The following GRM8 variants were observed in gnomAD, a reference collection of about 807,000 sequenced individuals.
GRM8 encodes the protein metabotropic glutamate receptor 8.
In GRM8, 47 loss-of-function variants were observed where a neutral mutation model predicts 87.2. The ratio of observed to expected loss-of-function variants is 0.54; its 90% CI spans 0.43 to 0.69. The LOEUF is 0.69. Ranked by LOEUF, GRM8 falls within the 30% of genes least tolerant of loss-of-function variation. The pLI is 0.00. For missense variants in GRM8, 1,019 were observed against 1,139.2 expected, an observed-to-expected ratio of 0.89 and a Z score of 1.52; for synonymous variants, 396 against 404.5, an observed-to-expected ratio of 0.98 and a Z score of 0.25.
At chr7:126,690,998 C>T (rs914701547) in intron 7 of GRM8, among the ~76,000 whole-genome samples, 1 of 152,226 alleles carries the variant, frequency 6.6e-6, no homozygotes, top group Non-Finnish European at 1.5e-5. Flanking sequence ...AGTTCTCACT[C>T]CTATCTGCAG....
Position 127,243,271 on chromosome 7 carries a change from A to G in GRM8, c.-67T>C. On this transcript the variant is annotated 5_prime_UTR_variant, in exon 2 of 11. Transcript: ENST00000339582. ...TTCTTGCCACAGAAGAAAGGGCACC[A>G]CCTGAGGCTGCACCTTCTGGAGGCT... 1 of 1,428,428 alleles carries G rather than the reference A, an allele frequency of 7.0e-7. No homozygotes were observed. The highest frequency in any genetic ancestry group is 1.4e-5 in the African/African-American group (1 of 71,108). 88.5% of individuals were successfully genotyped at this position (1,428,428 alleles called of 1,614,324 possible). A position where few individuals can be genotyped will look rare whatever the true frequency, so the allele number is the denominator to read the frequency against.
At chr7:127,132,390 C>T (rs1295843943) in intron 2 of GRM8, among the ~76,000 whole-genome samples, 1 of 152,106 alleles carries the variant, frequency 6.6e-6, no homozygotes, top group Non-Finnish European at 1.5e-5. Context: ...TCTCCTTTTC[C>T]AAGCTTTCCA....
intron 3 of GRM8, among the ~76,000 whole-genome samples, chr7:127,010,075 T>A (rs1814729335): frequency 6.6e-6 from 1 of 152,152 alleles, no homozygotes; most frequent in Non-Finnish European, 1.5e-5. Flanking sequence ...ACTCCTGACC[T>A]GAAGTGATCC....
At chr7:126,816,184 G>A (rs1180234821) in intron 6 of GRM8, among the ~76,000 whole-genome samples, 2 of 151,938 alleles carry the variant, frequency 1.3e-5, no homozygotes, top group African/African-American at 2.4e-5. Context: ...AACCAAACAC[G>A]TAAGATGCCC....
intron 9 of GRM8, among the ~76,000 whole-genome samples, chr7:126,462,033 GA>G (rs1248388167): frequency 6.6e-6 from 1 of 151,582 alleles, no homozygotes; most frequent in East Asian, 1.9e-4. Context: ...TTTCCTTATG[GA>G]AGTGGCTTGC....
At position 127,072,634 on chromosome 7, in the gene GRM8, C is replaced by CTTTT. The variant is rs34143758; in HGVS notation, c.727+33858_727+33861dup. ...CTAAATGCTGAACCCTCATATTATA[C>CTTTT]TTTTTTTTTTTTTGCAGCATCTGGC... On this transcript the variant is annotated intron_variant, in intron 3 of 10. Coordinates refer to ENST00000339582, the MANE Select transcript of GRM8 (RefSeq NM_000845.3). Among the ~76,000 whole-genome samples, 1,027 of 144,162 alleles carry CTTTT rather than the reference C, an allele frequency of 7.1e-3. 10 individuals carry two copies. The highest frequency in any genetic ancestry group is 0.02 in the African/African-American group (795 of 39,980). The allele number at this position is 144,162 out of a possible 152,430, so 94.6% of individuals were successfully genotyped here. A position where few individuals can be genotyped will look rare whatever the true frequency, so the allele number is the denominator to read the frequency against.
chr7:126,461,816 A>G (rs546637068), intron 9 of GRM8, among the ~76,000 whole-genome samples: 2 of 151,776 alleles, frequency 1.3e-5, no homozygotes, highest in East Asian at 3.9e-4. Flanking sequence ...TACATTCTGT[A>G]AAATACTTTT....
chr7:126,623,234 G>A (rs1432628895), intron 7 of GRM8, among the ~76,000 whole-genome samples: 3 of 152,084 alleles, frequency 2.0e-5, no homozygotes, highest in Non-Finnish European at 4.4e-5. Flanking sequence ...GTGGAGGGGT[G>A]TAATATAGAA....
chr7:127,076,565 T>C (rs148761973), intron 3 of GRM8, among the ~76,000 whole-genome samples: 1 of 152,218 alleles, frequency 6.6e-6, no homozygotes, highest in African/African-American at 2.4e-5. Flanking sequence ...TCCTCCATTC[T>C]TCTCTTTTAT....
At position 127,242,683 on chromosome 7, in the gene GRM8, G is replaced by A; in HGVS notation, c.510+12C>T. On this transcript the variant is annotated intron_variant, in intron 2 of 10. Transcript: ENST00000339582. ...CTTTCACAATGGTCAGAAAGACAAT[G>A]CCTTTACCTACCTTAAAAAGTCTTA... The A allele has an allele frequency of 6.2e-7, 1 of 1,608,674 alleles. No individual in the cohort carries two copies. The highest frequency in any genetic ancestry group is 8.5e-7 in the Non-Finnish European group (1 of 1,176,690).
In GRM8 at chr7:127,122,570, A is replaced by G. The variant is rs556405308; in HGVS notation, c.511-15858T>C. 2.7e-3 allele frequency among the ~76,000 whole-genome samples: 377 copies of G among 140,098 alleles called. 2 individuals are homozygous for G. The highest frequency in any genetic ancestry group is 0.01 in the African/African-American group (362 of 35,382). 91.9% of individuals were successfully genotyped at this position (140,098 alleles called of 152,430 possible). ...ACCTCAAATTTGATGAGACATACAC[A>G]TTGCTTTTTGGATGCCCTTTAATTT... On this transcript the variant is annotated intron_variant, in intron 2 of 10. Coordinates refer to ENST00000339582, the MANE Select transcript of GRM8 (RefSeq NM_000845.3).
At chr7:126,634,669 C>T (rs560452989) in intron 7 of GRM8, among the ~76,000 whole-genome samples, 2 of 134,268 alleles carry the variant, frequency 1.5e-5, no homozygotes, top group East Asian at 4.9e-4. Flanking sequence ...TCCTGCCTTC[C>T]TTCCTCCCCC....
At chr7:127,084,929 C>T (rs533402619) in intron 3 of GRM8, 1 of 152,210 alleles carries the variant, frequency 6.6e-6, no homozygotes, top group Non-Finnish European at 1.5e-5. Context: ...TGGTCATTTA[C>T]ATTAGGTGTT....
At chr7:126,831,365 G>C (rs1217408397) in intron 6 of GRM8, among the ~76,000 whole-genome samples, 1 of 152,204 alleles carries the variant, frequency 6.6e-6, no homozygotes, top group Non-Finnish European at 1.5e-5. Context: ...CCCAGTTCGA[G>C]CTTCCCGGCT....
chr7:127,124,838 T>G (rs542244337), intron 2 of GRM8, among the ~76,000 whole-genome samples: 1 of 152,136 alleles, frequency 6.6e-6, no homozygotes, highest in East Asian at 1.9e-4. Flanking sequence ...AAAAATTAAA[T>G]AAACAATGAC....
At chr7:127,228,978 G>GGT (rs1204577365) in intron 2 of GRM8, 1 of 152,022 alleles carries the variant, frequency 6.6e-6, no homozygotes, top group East Asian at 1.9e-4. Flanking sequence ...TTAAAAATAA[G>GGT]GTGTTAAAAT....
intron 6 of GRM8, among the ~76,000 whole-genome samples, chr7:126,775,479 GTTTTTTTTTTTTTT>G (rs372733476): frequency 9.5e-6 from 1 of 104,748 alleles, no homozygotes; most frequent in Non-Finnish European, 1.8e-5. Flanking sequence ...TGACAAATAG[GTTTTTTTTTTTTTT>G]TTTTTTTTTT....
chr7:126,575,722 G>C (rs1795055676), intron 8 of GRM8, among the ~76,000 whole-genome samples: 1 of 151,942 alleles, frequency 6.6e-6, no homozygotes, highest in Non-Finnish European at 1.5e-5. Context: ...TTTTGAAATT[G>C]TAAGCCTGTG....
chr7:126,665,245 T>C (rs1415362672), intron 7 of GRM8, among the ~76,000 whole-genome samples: 3 of 152,162 alleles, frequency 2.0e-5, no homozygotes, highest in Non-Finnish European at 4.4e-5. Flanking sequence ...GAAATTCCAT[T>C]ACTGGGCAGA....
Sources: gnomAD v4.1 joint callset for allele counts (sites outside exome capture counted in the v4.1 genomes callset) on GRCh38, gnomAD v4.1.1 for gene constraint, MANE v1.5 for transcripts, NCBI Gene and HGNC (gene_info 2026-07-23, HGNC 2026-07-21) for gene names.